The following FRY variants were observed in gnomAD, a reference collection of about 807,000 sequenced individuals.
FRY encodes the protein protein furry homolog.
A neutral mutation model predicts 348.4 loss-of-function variants in FRY; 128 were observed. The observed-to-expected ratio is 0.37, with a 90% CI of 0.32 to 0.43. FRY has a LOEUF of 0.43. Ranked by LOEUF, FRY falls within the 20% of genes least tolerant of loss-of-function variation. The pLI, the probability that FRY is intolerant of heterozygous loss-of-function variation, is 1.00. For missense variants in FRY, 2,736 were observed against 3,695.2 expected (o/e 0.74, Z 6.73); for synonymous variants, 1,370 against 1,374.7 (o/e 1.00, Z 0.08).
chr13:32,255,165 A>G (rs375868452), intron 51 of FRY, among the ~76,000 whole-genome samples: 1 of 152,146 alleles, frequency 6.6e-6, no homozygotes, highest in East Asian at 1.9e-4. Flanking sequence ...AACTCAGTTC[A>G]CTTAAGTGAG....
At chr13:32,163,494 T>C (rs1220161214) in intron 17 of FRY, among the ~76,000 whole-genome samples, 1 of 152,124 alleles carries the variant, frequency 6.6e-6, no homozygotes, top group Admixed American at 6.5e-5. Context: ...TGACAAGACA[T>C]GTGGTTAGAG....
At chr13:32,293,936 T>G (rs931934617) in intron 59 of FRY, among the ~76,000 whole-genome samples, 2 of 152,214 alleles carry the variant, frequency 1.3e-5, no homozygotes, top group Admixed American at 1.3e-4. Context: ...ACCTTTAGGA[T>G]GGCTATTATC....
At chr13:32,263,080 TATTTTATTAAA>T (rs1004367299) in intron 53 of FRY, among the ~76,000 whole-genome samples, 4 of 152,250 alleles carry the variant, frequency 2.6e-5, no homozygotes, top group Admixed American at 2.0e-4. Context: ...ATTTAAAGTT[TATTTTATTAAA>T]ATGTCCTGAA....
At chr13:32,161,400 T>G in intron 17 of FRY, 149 bp downstream of exon 17, 1 of 675,046 alleles carries the variant, frequency 1.5e-6, no homozygotes, top group Non-Finnish European at 2.6e-6. Flanking sequence ...TAAAAATTAT[T>G]TTTCCCATAT....
At position 32,087,296 on chromosome 13, in the gene FRY, C is replaced by G. The variant is rs1050833364; in HGVS notation, c.270+8263C>G. 9.8e-5 allele frequency among the ~76,000 whole-genome samples: 15 copies of G among 152,348 alleles called. No individual in the cohort carries two copies. In the East Asian group the frequency reaches 2.7e-3, roughly 27 times the overall value. On this transcript the variant is annotated intron_variant, in intron 2 of 60. Transcript: ENST00000542859. ...TAGCTAATGACAGCATTACTGCTTGCTAGTGTTGTTCCAGGTTCAGGCAGT... is the reference window on the plus strand; with the variant it reads ...TAGCTAATGACAGCATTACTGCTTGGTAGTGTTGTTCCAGGTTCAGGCAGT...
In FRY at chr13:32,297,262, G is replaced by T. The variant is rs1281022986; in HGVS notation, c.*1802G>T. 7 of 151,998 alleles carry T rather than the reference G, an allele frequency of 4.6e-5. No homozygotes were observed. The highest frequency in any genetic ancestry group is 9.7e-5 in the African/African-American group (4 of 41,360). The allele number at this position is 151,998 out of a possible 1,614,324, so 9.4% of individuals were successfully genotyped here. On this transcript the variant is annotated 3_prime_UTR_variant, in exon 61 of 61. Coordinates refer to ENST00000542859, the MANE Select transcript of FRY (RefSeq NM_023037.3). ...ACTGCTGAAAACATATTTTTCTGAT[G>T]ATTTATTTTTTTCAACTTGCCTGAA...
chr13:32,196,075 A>G (rs775987025), intron 29 of FRY, among the ~76,000 whole-genome samples: 3 of 152,300 alleles, frequency 2.0e-5, no homozygotes, highest in South Asian at 2.1e-4. Flanking sequence ...TACAAAACCA[A>G]TTGTGATATT....
intron 40 of FRY, 100 bp downstream of exon 40, chr13:32,228,754 T>A (rs1337224208): frequency 6.1e-6 from 6 of 988,336 alleles, no homozygotes; most frequent in Non-Finnish European, 9.7e-6. Context: ...CCTGGGGTTC[T>A]AACAAAGTCC....
At chr13:32,034,406 G>A (rs574264499) in intron 1 of FRY, among the ~76,000 whole-genome samples, 5 of 152,244 alleles carry the variant, frequency 3.3e-5, no homozygotes, top group African/African-American at 1.2e-4. Flanking sequence ...GTTCATTTTG[G>A]TGTTCTCCTC....
At position 32,274,994 on chromosome 13, in the gene FRY, G is replaced by A; in HGVS notation, c.8286+3G>A. On this transcript the variant is annotated splice_donor_region_variant and intron_variant, in intron 56 of 60. Coordinates refer to ENST00000542859, the MANE Select transcript of FRY (RefSeq NM_023037.3). ...CACTTTTTGTGGATGCCGAGACTGT[G>A]AGTATCCCAGTCCTGCTCTGACAGT... 6.2e-7 allele frequency: 1 copy of A among 1,612,932 alleles called. No homozygotes were observed. Among genetic ancestry groups the A allele is most frequent in the Non-Finnish European group, 8.5e-7 (1 of 1,179,016 alleles).
At chr13:32,162,219 A>G (rs1456572120) in intron 17 of FRY, among the ~76,000 whole-genome samples, 2 of 152,248 alleles carry the variant, frequency 1.3e-5, no homozygotes, top group Non-Finnish European at 2.9e-5. Context: ...TTTAGGCTCT[A>G]TAATCTGATT....
chr13:32,163,192 C>G (rs1881546270), intron 17 of FRY, among the ~76,000 whole-genome samples: 1 of 152,182 alleles, frequency 6.6e-6, no homozygotes, highest in Non-Finnish European at 1.5e-5. Context: ...GACCAGGAGA[C>G]GTGTATTTCC....
At chr13:32,266,385 C>G (rs911603270) in intron 54 of FRY, among the ~76,000 whole-genome samples, 1 of 152,170 alleles carries the variant, frequency 6.6e-6, no homozygotes, top group Non-Finnish European at 1.5e-5. Flanking sequence ...CTGCGTATCT[C>G]TGGTTTCCTT....
intron 2 of FRY, among the ~76,000 whole-genome samples, chr13:32,090,267 GA>G (rs1876197520): frequency 7.0e-6 from 1 of 143,474 alleles, no homozygotes; most frequent in African/African-American, 2.6e-5. Flanking sequence ...AGAATGGCGT[GA>G]ACCCGGAAGT....
intron 2 of FRY, among the ~76,000 whole-genome samples, chr13:32,079,609 C>G (rs1875344257): frequency 6.6e-6 from 1 of 152,132 alleles, no homozygotes; most frequent in Non-Finnish European, 1.5e-5. Context: ...ACATGATGCC[C>G]TTGGATGTGA....
intron 39 of FRY, 23 bp downstream of exon 39, chr13:32,225,997 G>T (rs1885558975): frequency 1.2e-6 from 2 of 1,608,238 alleles, no homozygotes; most frequent in Non-Finnish European, 1.7e-6. Context: ...GACTGGTAGA[G>T]AGCCTAGGAC....
Position 32,294,456 on chromosome 13 carries a change from A to G in FRY, c.8669A>G (p.Asp2890Gly), listed in dbSNP as rs548044530. ...AVIAADPLYS[D>G]GAWSEPTFTS... ...ATTGCAGCTGACCCTCTCTATTCAG[A>G]CGGCGCGTGGTCCGAGCCCACCTTC... Residue 2890 changes from aspartate (D) to glycine (G), a missense_variant, in exon 60 of 61, where the codon GAC becomes GGC. Asp to Gly is a moderately conservative substitution (Grantham distance 94). Transcript: ENST00000542859. 1 of 1,614,008 alleles carries G rather than the reference A, an allele frequency of 6.2e-7. No homozygotes were observed. The highest frequency in any genetic ancestry group is 2.2e-5 in the East Asian group (1 of 44,884).
intron 23 of FRY, 129 bp from the exon 24 acceptor site, chr13:32,182,848 A>G (rs189372424): frequency 3.0e-6 from 2 of 668,780 alleles, no homozygotes; most frequent in African/African-American, 1.8e-5. Flanking sequence ...TGGAGAGATC[A>G]GGGAGATTGT....
In FRY at chr13:32,295,789, T is replaced by C. The variant is rs1354967307; in HGVS notation, c.*329T>C. 1.9e-5 allele frequency: 6 copies of C among 319,156 alleles called. No individual in the cohort carries two copies. Among genetic ancestry groups the C allele is most frequent in the Non-Finnish European group, 3.5e-5 (6 of 172,560 alleles). 19.8% of individuals were successfully genotyped at this position (319,156 alleles called of 1,614,324 possible). ...GACTACACTGAACAGTACCTTCCTTTCTAGAAACAATTTTAGATTGGCAAA... is the reference window on the plus strand; with the variant it reads ...GACTACACTGAACAGTACCTTCCTTCCTAGAAACAATTTTAGATTGGCAAA... On this transcript the variant is annotated 3_prime_UTR_variant, in exon 61 of 61. Coordinates refer to ENST00000542859, the MANE Select transcript of FRY (RefSeq NM_023037.3).
Sources: gnomAD v4.1 joint callset for allele counts (sites outside exome capture counted in the v4.1 genomes callset) on GRCh38, gnomAD v4.1.1 for gene constraint, MANE v1.5 for transcripts, NCBI Gene and HGNC (gene_info 2026-07-23, HGNC 2026-07-21) for gene names.